Variants in HSF2 observed in about 807,000 individuals in gnomAD.
HSF2 encodes heat shock factor protein 2.
In HSF2, 21 loss-of-function variants were observed where a neutral mutation model predicts 65.0. That is an observed-to-expected ratio of 0.32 (90% CI 0.23 to 0.47). HSF2 has a LOEUF of 0.47. Ranked by LOEUF, HSF2 falls within the 20% of genes least tolerant of loss-of-function variation. The probability of loss-of-function intolerance (pLI) is 1.00; values close to 1 mark genes in which losing one functional copy is unlikely to be tolerated. For synonymous variants in HSF2, 225 were observed against 219.1 expected (o/e 1.03, Z -0.24); for missense variants, 499 against 628.1 (o/e 0.79, Z 2.20).
chr6:122,412,907 C>T (rs1012975676), intron 3 of HSF2, 143 bp downstream of exon 3: 25 of 785,226 alleles, frequency 3.2e-5, no homozygotes, highest in Non-Finnish European at 2.2e-5. Context: ...TTACTTGTTT[C>T]CCTGTATTTT....
intron 10 of HSF2, among the ~76,000 whole-genome samples, chr6:122,427,412 C>A (rs1402380016): frequency 1.3e-5 from 2 of 151,942 alleles, no homozygotes; most frequent in East Asian, 3.9e-4. Flanking sequence ...AAAGAACCAA[C>A]AAGTAGATAT....
intron 12 of HSF2, 47 bp downstream of exon 12, chr6:122,431,561 A>C (rs776464290): frequency 4.6e-6 from 5 of 1,088,812 alleles, no homozygotes; most frequent in Non-Finnish European, 6.9e-6. Context: ...TTTTAATCCT[A>C]TGCAGAAACA....
rs60125194 is a variant in HSF2, at chr6:122,404,782, G to A, written c.93+4952G>A. Reference sequence around the variant, plus strand: ...CCTCACAGGTTTAAAAGACAGGAAGGTGAATTTTTGCACTCAAAGAAGTTA... The same window carrying A: ...CCTCACAGGTTTAAAAGACAGGAAGATGAATTTTTGCACTCAAAGAAGTTA... On this transcript the variant is annotated intron_variant, in intron 1 of 12. Transcript: ENST00000368455. Among the ~76,000 whole-genome samples the A allele has an allele frequency of 9.4e-3, 1,426 of 152,260 alleles. 18 individuals carry two copies. The highest frequency in any genetic ancestry group is 0.032 in the African/African-American group (1,324 of 41,562).
In HSF2 at chr6:122,412,667, C is replaced by G. The variant is rs750931926; in HGVS notation, c.233C>G (p.Ser78Cys). 3.7e-6 allele frequency: 6 copies of G among 1,612,114 alleles called. No individual in the cohort carries two copies. Among genetic ancestry groups the G allele is most frequent in the Middle Eastern group, 1.6e-4 (1 of 6,076 alleles). ...YGFRKVVHID[S>C]GIVKQERDGP... ...TTCCGTAAAGTAGTACATATCGACT[C>G]TGGAATTGTAAAGCAAGAAAGAGAT... The change falls in exon 3 of 13, where the codon TCT (serine) becomes TGT (cysteine). Residue 78 changes from serine to cysteine, a missense_variant. By Grantham distance (112) the Ser-to-Cys change is moderately radical (BLOSUM62 -1). Coordinates refer to ENST00000368455, the MANE Select transcript of HSF2 (RefSeq NM_004506.4).
intron 1 of HSF2, among the ~76,000 whole-genome samples, chr6:122,400,364 G>A (rs1346260462): frequency 6.6e-6 from 1 of 152,144 alleles, no homozygotes; most frequent in Admixed American, 6.5e-5. Context: ...CAGGGCAATA[G>A]ACATACGTTC....
chr6:122,407,305 T>C (rs1773888671), intron 1 of HSF2, among the ~76,000 whole-genome samples: 1 of 152,170 alleles, frequency 6.6e-6, no homozygotes, highest in African/African-American at 2.4e-5. Flanking sequence ...TGCTGGGATA[T>C]AGGATATGAA....
chr6:122,432,078 G>T lies in HSF2; in HGVS notation c.1469G>T (p.Ser490Ile), dbSNP rs1774485326. The T allele has an allele frequency of 6.2e-7, 1 of 1,614,118 alleles. No homozygotes were observed. Among genetic ancestry groups the T allele is most frequent in the Non-Finnish European group, 8.5e-7 (1 of 1,179,988 alleles). Residue 490 changes from serine (S) to isoleucine (I), a missense_variant, in exon 13 of 13, where the codon AGC becomes ATC. Physicochemically the swap from Ser to Ile is moderately radical, Grantham distance 142 (BLOSUM62 -2). Coordinates refer to ENST00000368455, the MANE Select transcript of HSF2 (RefSeq NM_004506.4). ...PIEVDELLDS[S>I]LDPEPTQSKL... ...GAAGTTGATGAGCTTCTGGATAGCA[G>T]CCTAGACCCAGAACCAACCCAAAGT...
intron 1 of HSF2, among the ~76,000 whole-genome samples, chr6:122,404,164 T>C (rs184530932): frequency 6.6e-6 from 1 of 152,308 alleles, no homozygotes; most frequent in Admixed American, 6.5e-5. Flanking sequence ...TCAGCAGAGA[T>C]GAATTAGGAA....
intron 1 of HSF2, among the ~76,000 whole-genome samples, chr6:122,402,151 C>A (rs550529473): frequency 1.8e-4 from 28 of 152,346 alleles, no homozygotes; most frequent in African/African-American, 6.7e-4. Flanking sequence ...AAAGATTGGA[C>A]ACCCCTACCC....
chr6:122,423,654 C>A lies in HSF2; in HGVS notation c.1144C>A (p.Gln382Lys). Residue 382 changes from glutamine to lysine, a missense_variant, in exon 10 of 13, where the codon CAA (glutamine) becomes AAA (lysine). Physicochemically the swap from Gln to Lys is moderately conservative, Grantham distance 53. Around this residue, in one of 2 missense-constraint regions of HSF2, gnomAD observed 349 missense variants for 393.5 expected, o/e 0.89. Coordinates refer to ENST00000368455, the MANE Select transcript of HSF2 (RefSeq NM_004506.4). Reference sequence around the variant, plus strand: ...CTTCCAGGCCATGCTATCAGGAAGACAATTTAGCATAGACCCAGATCTCCT... The same window carrying A: ...CTTCCAGGCCATGCTATCAGGAAGAAAATTTAGCATAGACCCAGATCTCCT... ...EDFQAMLSGR[Q>K]FSIDPDLLVD... 3 of 1,608,850 alleles carry A rather than the reference C, an allele frequency of 1.9e-6. No homozygotes were observed. Among genetic ancestry groups the A allele is most frequent in the Non-Finnish European group, 2.6e-6 (3 of 1,176,374 alleles).
At chr6:122,403,231 A>G (rs1231365407) in intron 1 of HSF2, among the ~76,000 whole-genome samples, 1 of 152,216 alleles carries the variant, frequency 6.6e-6, no homozygotes, top group African/African-American at 2.4e-5. Context: ...GAATATAATA[A>G]TCTGAACAAT....
At position 122,431,793 on chromosome 6, in the gene HSF2, A is replaced by G. The variant is rs1018007342; in HGVS notation, c.1316-132A>G. 2.6e-4 allele frequency: 189 copies of G among 730,784 alleles called. No individual in the cohort carries two copies. Among genetic ancestry groups the G allele is most frequent in the Non-Finnish European group, 2.1e-4 (93 of 437,500 alleles). 45.3% of individuals were successfully genotyped at this position (730,784 alleles called of 1,614,324 possible). A position where few individuals can be genotyped will look rare whatever the true frequency, so the allele number is the denominator to read the frequency against. On this transcript the variant is annotated intron_variant, in intron 12 of 12. Coordinates refer to ENST00000368455, the MANE Select transcript of HSF2 (RefSeq NM_004506.4). Reference sequence around the variant, plus strand: ...ATTTTAAAATTTATTGACATAGTGCATCATGTCATTTCTTGTTTGGCTATA... The same window carrying G: ...ATTTTAAAATTTATTGACATAGTGCGTCATGTCATTTCTTGTTTGGCTATA...
intron 5 of HSF2, among the ~76,000 whole-genome samples, chr6:122,417,754 A>T (rs1168609228): frequency 6.6e-6 from 1 of 152,210 alleles, no homozygotes; most frequent in Non-Finnish European, 1.5e-5. Context: ...TAATTTAGCC[A>T]GTGATTGATG....
At chr6:122,407,237 T>C (rs1182207901) in intron 1 of HSF2, among the ~76,000 whole-genome samples, 2 of 152,196 alleles carry the variant, frequency 1.3e-5, no homozygotes, top group Non-Finnish European at 2.9e-5. Context: ...TATTCTTGTA[T>C]ATCTCTCCTG....
intron 1 of HSF2, among the ~76,000 whole-genome samples, chr6:122,408,651 C>CT (rs1175001395): frequency 6.6e-6 from 1 of 152,030 alleles, no homozygotes; most frequent in East Asian, 1.9e-4. Context: ...TTTCAGTTTT[C>CT]TGAGTACACC....
At chr6:122,422,610 CCT>C in intron 8 of HSF2, 106 bp from the exon 9 acceptor site, 1 of 1,133,564 alleles carries the variant, frequency 8.8e-7, no homozygotes, top group Non-Finnish European at 1.3e-6. Flanking sequence ...GAAATTTAAG[CCT>C]TTCAGTATGT....
At chr6:122,424,947 A>T (rs1005664525) in intron 10 of HSF2, among the ~76,000 whole-genome samples, 2 of 152,106 alleles carry the variant, frequency 1.3e-5, no homozygotes, top group African/African-American at 2.4e-5. Flanking sequence ...ACAACCCCTT[A>T]TTCACAGAGG....
At chr6:122,407,996 G>C (rs926898335) in intron 1 of HSF2, among the ~76,000 whole-genome samples, 4 of 151,214 alleles carry the variant, frequency 2.6e-5, no homozygotes, top group Admixed American at 2.0e-4. Flanking sequence ...AGTGTGTTCT[G>C]GTCTCTCTTA....
At chr6:122,423,773 A>G in intron 10 of HSF2, 87 bp downstream of exon 10, 1 of 621,398 alleles carries the variant, frequency 1.6e-6, no homozygotes, top group Non-Finnish European at 2.7e-6. Context: ...TTTGTTTTGT[A>G]TTCTACAGGT....
Sources: gnomAD v4.1 joint callset for allele counts (sites outside exome capture counted in the v4.1 genomes callset) on GRCh38, gnomAD v4.1.1 for gene constraint, gnomAD v4.1.1 regional missense constraint, MANE v1.5 for transcripts, NCBI Gene and HGNC (gene_info 2026-07-23, HGNC 2026-07-21) for gene names.